Variants in DNAJC1 observed in about 807,000 individuals in gnomAD.
The protein encoded by DNAJC1 is dnaJ homolog subfamily C member 1.
In DNAJC1, 58 loss-of-function variants were observed where a neutral mutation model predicts 76.6. The observed-to-expected ratio is 0.76, with a 90% CI of 0.61 to 0.94. The LOEUF is 0.94. Ranked by LOEUF, DNAJC1 falls within the 40% of genes least tolerant of loss-of-function variation. DNAJC1 has a pLI of 0.00. For missense variants in DNAJC1, 689 were observed against 677.3 expected (o/e 1.02, Z -0.19); for synonymous variants, 258 against 267.9 (o/e 0.96, Z 0.36).
chr10:21,792,552 T>C (rs1273294636), intron 9 of DNAJC1, among the ~76,000 whole-genome samples: 1 of 151,456 alleles, frequency 6.6e-6, no homozygotes, highest in East Asian at 1.9e-4. Context: ...AGGTCAGGAG[T>C]TTCTGACCAT....
At chr10:21,820,505 C>T (rs1835140901) in intron 8 of DNAJC1, among the ~76,000 whole-genome samples, 1 of 152,186 alleles carries the variant, frequency 6.6e-6, no homozygotes, top group Non-Finnish European at 1.5e-5. Flanking sequence ...ATACAAAAGG[C>T]TTCTGTGACC....
intron 10 of DNAJC1, among the ~76,000 whole-genome samples, chr10:21,762,333 T>C (rs1313891412): frequency 6.6e-6 from 1 of 152,146 alleles, no homozygotes; most frequent in Non-Finnish European, 1.5e-5. Context: ...CTAATGAAAA[T>C]ATTAATATTA....
At chr10:21,974,622 C>T (rs1284119619) in intron 1 of DNAJC1, among the ~76,000 whole-genome samples, 2 of 152,158 alleles carry the variant, frequency 1.3e-5, no homozygotes, top group East Asian at 3.8e-4. Context: ...GTACTGCATT[C>T]TATTCTGAAA....
At chr10:21,788,545 T>G (rs903249289) in intron 9 of DNAJC1, among the ~76,000 whole-genome samples, 11 of 152,176 alleles carry the variant, frequency 7.2e-5, no homozygotes, top group Non-Finnish European at 1.3e-4. Flanking sequence ...ACCTCCCTGT[T>G]TGTGGAGTAG....
At chr10:21,983,304 A>G (rs757461631) in intron 1 of DNAJC1, among the ~76,000 whole-genome samples, 9 of 152,234 alleles carry the variant, frequency 5.9e-5, no homozygotes, top group Admixed American at 1.3e-4. Flanking sequence ...TTTGAGATAT[A>G]CTACAACATG....
At chr10:21,930,611 C>T (rs1187560515) in intron 1 of DNAJC1, among the ~76,000 whole-genome samples, 1 of 152,042 alleles carries the variant, frequency 6.6e-6, no homozygotes, top group African/African-American at 2.4e-5. Flanking sequence ...TAGTATGTTA[C>T]CCAGGGTGTG....
chr10:21,886,189 A>G (rs1406114112), intron 7 of DNAJC1, among the ~76,000 whole-genome samples: 1 of 152,142 alleles, frequency 6.6e-6, no homozygotes, highest in Non-Finnish European at 1.5e-5. Flanking sequence ...ACCAACAGAA[A>G]CTACTACAGA....
chr10:21,912,191 T>C (rs1475439604), intron 6 of DNAJC1, among the ~76,000 whole-genome samples: 1 of 152,134 alleles, frequency 6.6e-6, no homozygotes, highest in African/African-American at 2.4e-5. Flanking sequence ...ATGTATTTTT[T>C]TCTTATATTT....
chr10:21,948,273 T>C (rs1344132071), intron 1 of DNAJC1, among the ~76,000 whole-genome samples: 1 of 152,150 alleles, frequency 6.6e-6, no homozygotes, highest in Non-Finnish European at 1.5e-5. Flanking sequence ...CAGTCTTGAA[T>C]GTTAAAGTAC....
intron 1 of DNAJC1, among the ~76,000 whole-genome samples, chr10:21,977,574 AT>A (rs1338791013): frequency 4.6e-5 from 7 of 152,302 alleles, no homozygotes; most frequent in African/African-American, 1.7e-4. Flanking sequence ...CCAGAAGCCA[AT>A]TTTGAACTTG....
chr10:21,848,766 C>T (rs1032964597), intron 8 of DNAJC1, among the ~76,000 whole-genome samples: 1 of 152,094 alleles, frequency 6.6e-6, no homozygotes, highest in Non-Finnish European at 1.5e-5. Flanking sequence ...TTTTAAATTG[C>T]TCAAATCACA....
At chr10:21,956,933 G>A (rs1210168638) in intron 1 of DNAJC1, among the ~76,000 whole-genome samples, 1 of 127,806 alleles carries the variant, frequency 7.8e-6, no homozygotes, top group African/African-American at 3.1e-5. Context: ...GTTTTGCTCT[G>A]TCGCCCAGGC....
intron 8 of DNAJC1, among the ~76,000 whole-genome samples, chr10:21,850,588 G>C (rs1309073602): frequency 4.0e-5 from 6 of 149,096 alleles, no homozygotes; most frequent in Admixed American, 2.0e-4. Flanking sequence ...ATATTGTTAA[G>C]ATGTGACTAC....
intron 8 of DNAJC1, among the ~76,000 whole-genome samples, chr10:21,817,187 A>G (rs1168808045): frequency 6.7e-6 from 1 of 149,426 alleles, no homozygotes; most frequent in African/African-American, 2.5e-5. Flanking sequence ...AAAAAAATCA[A>G]TAGACTATGT....
chr10:21,876,049 A>C (rs1271565584), intron 8 of DNAJC1, among the ~76,000 whole-genome samples: 1 of 152,228 alleles, frequency 6.6e-6, no homozygotes, highest in Non-Finnish European at 1.5e-5. Flanking sequence ...TAAAAACAAA[A>C]AATAAATGTA....
At chr10:21,794,911 G>T (rs1419997029) in intron 9 of DNAJC1, among the ~76,000 whole-genome samples, 1 of 152,010 alleles carries the variant, frequency 6.6e-6, no homozygotes, top group East Asian at 1.9e-4. Flanking sequence ...AGATTTATTT[G>T]CATTTTGTAA....
chr10:21,883,254 ACACAC>A lies in DNAJC1; in HGVS notation c.821-820_821-816del, dbSNP rs1836311856. ...GACAGAGTGAGATTCTATCTCAAAC[ACACAC>A]ACACACACACACACACACACACACA... On this transcript the variant is annotated intron_variant, in intron 7 of 11. Coordinates refer to ENST00000376980, the MANE Select transcript of DNAJC1 (RefSeq NM_022365.4). Among the ~76,000 whole-genome samples the A allele has an allele frequency of 3.7e-3, 454 of 121,322 alleles. 4 individuals are homozygous for A. Among genetic ancestry groups the A allele is most frequent in the African/African-American group, 0.019 (426 of 22,764 alleles). 79.6% of individuals were successfully genotyped at this position (121,322 alleles called of 152,430 possible). A position where few individuals can be genotyped will look rare whatever the true frequency, so the allele number is the denominator to read the frequency against.
chr10:21,889,804 C>G (rs1279623300), intron 7 of DNAJC1, among the ~76,000 whole-genome samples: 3 of 152,200 alleles, frequency 2.0e-5, no homozygotes, highest in Non-Finnish European at 4.4e-5. Flanking sequence ...AGGCATTTAT[C>G]TTTTGTCTAG....
At chr10:21,925,039 C>T (rs989969767) in intron 3 of DNAJC1, among the ~76,000 whole-genome samples, 1 of 152,138 alleles carries the variant, frequency 6.6e-6, no homozygotes, top group African/African-American at 2.4e-5. Flanking sequence ...CTCACTCAGG[C>T]TGGAGTACAA....
Sources: gnomAD v4.1 joint callset for allele counts (sites outside exome capture counted in the v4.1 genomes callset) on GRCh38, gnomAD v4.1.1 for gene constraint, MANE v1.5 for transcripts, NCBI Gene and HGNC (gene_info 2026-07-23, HGNC 2026-07-21) for gene names.